Variants in SCYL2 observed in about 807,000 individuals in gnomAD.
SCYL2 encodes SCY1 like pseudokinase 2, also known as SCY1-like protein 2.
Under a neutral mutation model 100.4 loss-of-function variants are expected in SCYL2, and 36 were observed. The ratio of observed to expected loss-of-function variants is 0.36; its 90% CI spans 0.27 to 0.47. The LOEUF (loss-of-function observed/expected upper bound fraction) is 0.47. Among genes scored for constraint, SCYL2 ranks in the 20% least tolerant of loss-of-function variants. The probability of loss-of-function intolerance (pLI) is 1.00; values close to 1 mark genes in which losing one functional copy is unlikely to be tolerated. For synonymous variants in SCYL2, 330 were observed against 359.2 expected, an observed-to-expected ratio of 0.92 and a Z score of 0.92; for missense variants, 902 against 1,083.9, an observed-to-expected ratio of 0.83 and a Z score of 2.36.
chr12:100,303,404 G>C (rs2096330116), intron 4 of SCYL2, among the ~76,000 whole-genome samples: 1 of 152,126 alleles, frequency 6.6e-6, no homozygotes, highest in East Asian at 1.9e-4. Context: ...TTTGGTCTTT[G>C]ATGTCGGTGA....
intron 1 of SCYL2, among the ~76,000 whole-genome samples, chr12:100,275,050 T>G (rs2096291190): frequency 6.6e-6 from 1 of 152,174 alleles, no homozygotes; most frequent in South Asian, 2.1e-4. Flanking sequence ...TCCATTTATT[T>G]AGGTTTTCTT....
intron 4 of SCYL2, among the ~76,000 whole-genome samples, chr12:100,306,250 C>G (rs1485311658): frequency 2.6e-5 from 4 of 152,132 alleles, no homozygotes; most frequent in Non-Finnish European, 5.9e-5. Context: ...TGCAAAAATC[C>G]TCAATAAAAT....
intron 2 of SCYL2, among the ~76,000 whole-genome samples, chr12:100,283,553 C>T (rs1292384558): frequency 6.6e-6 from 1 of 152,092 alleles, no homozygotes; most frequent in African/African-American, 2.4e-5. Context: ...ACGTTAAGTG[C>T]GTCTTAGTGC....
intron 11 of SCYL2, 90 bp from the exon 12 acceptor site, chr12:100,326,530 CAT>C (rs1337675609): frequency 2.4e-6 from 2 of 848,350 alleles, no homozygotes; most frequent in Non-Finnish European, 3.5e-6. Flanking sequence ...GAGACTTTAA[CAT>C]ATTTATATGA....
chr12:100,326,482 G>T, intron 11 of SCYL2, 140 bp from the exon 12 acceptor site: 1 of 568,138 alleles, frequency 1.8e-6, no homozygotes, highest in Non-Finnish European at 2.8e-6. Flanking sequence ...TTCCTATGTT[G>T]ATAAAGGATG....
intron 4 of SCYL2, among the ~76,000 whole-genome samples, chr12:100,309,465 A>G (rs1409999197): frequency 6.6e-6 from 1 of 152,194 alleles, no homozygotes; most frequent in Non-Finnish European, 1.5e-5. Flanking sequence ...TACTTCGTGT[A>G]AGTGGAATCA....
At chr12:100,305,574 C>T (rs1022917711) in intron 4 of SCYL2, among the ~76,000 whole-genome samples, 14 of 152,072 alleles carry the variant, frequency 9.2e-5, no homozygotes, top group Non-Finnish European at 1.8e-4. Flanking sequence ...AATCAACATC[C>T]TAACGTCACA....
At chr12:100,291,384 A>G (rs1483027402) in intron 2 of SCYL2, 119 bp from the exon 3 acceptor site, 6 of 643,988 alleles carry the variant, frequency 9.3e-6, no homozygotes, top group Admixed American at 3.8e-5. Context: ...TTGATATCAG[A>G]AAAGTATTAC....
At chr12:100,305,880 C>G (rs540444407) in intron 4 of SCYL2, among the ~76,000 whole-genome samples, 1 of 152,066 alleles carries the variant, frequency 6.6e-6, no homozygotes, top group African/African-American at 2.4e-5. Context: ...ATAAATCCTT[C>G]TATGCAAATA....
intron 1 of SCYL2, among the ~76,000 whole-genome samples, chr12:100,275,902 GTCAGTTTTTTT>G (rs143896306): frequency 0.12 from 18,568 of 152,020 alleles, 1,504 homozygotes; most frequent in Non-Finnish European, 0.18. Flanking sequence ...ATTGAATTTT[GTCAGTTTTTTT>G]TCTGCCTCTA....
intron 1 of SCYL2, among the ~76,000 whole-genome samples, chr12:100,281,712 T>G (rs1266085651): frequency 2.6e-5 from 4 of 151,816 alleles, no homozygotes; most frequent in Non-Finnish European, 5.9e-5. Context: ...CGGGCGCCTG[T>G]AGTCCCAGCT....
intron 5 of SCYL2, 91 bp downstream of exon 5, chr12:100,311,284 G>T: frequency 7.6e-7 from 1 of 1,317,432 alleles, no homozygotes; most frequent in Non-Finnish European, 1.0e-6. Context: ...TGGTACAGTG[G>T]TATGTTTAGA....
intron 3 of SCYL2, among the ~76,000 whole-genome samples, chr12:100,295,741 A>G (rs28675111): frequency 8.2e-4 from 121 of 148,064 alleles, no homozygotes; most frequent in African/African-American, 3.0e-3. Context: ...GAGGGAGACC[A>G]TGGGGAGACG....
At chr12:100,284,978 C>T in intron 2 of SCYL2, among the ~76,000 whole-genome samples, 1 of 152,144 alleles carries the variant, frequency 6.6e-6, no homozygotes, top group Admixed American at 6.5e-5. Context: ...TTAAGACCAA[C>T]ATGTGCAATG....
At chr12:100,334,604 A>C (rs1205799394) in intron 14 of SCYL2, among the ~76,000 whole-genome samples, 1 of 152,038 alleles carries the variant, frequency 6.6e-6, no homozygotes, top group Non-Finnish European at 1.5e-5. Context: ...CCAATTAGGA[A>C]AATTTTTTAA....
chr12:100,287,208 T>C (rs979655659), intron 2 of SCYL2, among the ~76,000 whole-genome samples: 3 of 152,096 alleles, frequency 2.0e-5, no homozygotes, highest in Non-Finnish European at 4.4e-5. Context: ...TTAAATTTTA[T>C]TACTTAAGTA....
chr12:100,306,294 G>T (rs938592249), intron 4 of SCYL2, among the ~76,000 whole-genome samples: 43 of 152,282 alleles, frequency 2.8e-4, no homozygotes, highest in Admixed American at 5.2e-4. Context: ...ACATCAAAAA[G>T]CTTATCCACC....
In SCYL2 at chr12:100,298,031, G is replaced by C; in HGVS notation, c.336G>C (p.Arg112Ser). Residue 112 changes from arginine (R) to serine (S), a missense_variant and splice_region_variant, in exon 4 of 18, where the codon AGG (arginine) becomes AGC (serine). Transcript: ENST00000360820. ...AATAACTTTTTCTTTTTTAAAACAG[G>C]GATTGCTTGGCATTTTGTACAGAAC... Reference protein sequence around the residue: ...LTVQHPLEESRDCLAFCTEPV... With the variant: ...LTVQHPLEESSDCLAFCTEPV... 3 of 1,602,434 alleles carry C rather than the reference G, an allele frequency of 1.9e-6. No individual in the cohort carries two copies. Among genetic ancestry groups the C allele is most frequent in the Non-Finnish European group, 2.5e-6 (3 of 1,176,488 alleles).
rs947784933 is a variant in SCYL2, at chr12:100,337,361, G to T, written c.2026-26G>T. The stretch of plus-strand genomic sequence containing the variant: ...AAATGGACTTAATAAATTGCCGGTT[G>T]ATTTTTTGCTTTATTTTGTTTTAAG... On this transcript the variant is annotated intron_variant, in intron 16 of 17. Coordinates refer to ENST00000360820, the MANE Select transcript of SCYL2 (RefSeq NM_017988.6). 5 of 1,598,938 alleles carry T rather than the reference G, an allele frequency of 3.1e-6. No individual in the cohort carries two copies. The Admixed American group carries it at 5.4e-5, about 17-fold the overall frequency.
Sources: gnomAD v4.1 joint callset for allele counts (sites outside exome capture counted in the v4.1 genomes callset) on GRCh38, gnomAD v4.1.1 for gene constraint, MANE v1.5 for transcripts, NCBI Gene and HGNC (gene_info 2026-07-23, HGNC 2026-07-21) for gene names.